Variants in RILPL1 observed in about 807,000 individuals in gnomAD.
RILPL1 encodes the protein RILP-like protein 1.
Under a neutral mutation model 50.3 loss-of-function variants are expected in RILPL1, and 33 were observed. That is an observed-to-expected ratio of 0.66 (90% confidence interval 0.50 to 0.88). The LOEUF (loss-of-function observed/expected upper bound fraction) is 0.88, where lower values mean the gene tolerates loss of function less well. Ranked by LOEUF, RILPL1 falls within the 40% of genes least tolerant of loss-of-function variation. RILPL1 has a pLI of 0.00. For missense variants in RILPL1, 418 were observed against 542.5 expected (o/e 0.77, Z 2.28); for synonymous variants, 205 against 228.6 (o/e 0.90, Z 0.93).
chr12:123,512,725 G>A (rs1448118046), intron 2 of RILPL1, among the ~76,000 whole-genome samples: 1 of 146,550 alleles, frequency 6.8e-6, no homozygotes, highest in Non-Finnish European at 1.5e-5. Flanking sequence ...TGTGAGGTCT[G>A]TGTGTGGTGT....
At chr12:123,486,891 C>T (rs530259739) in intron 4 of RILPL1, among the ~76,000 whole-genome samples, 6 of 152,058 alleles carry the variant, frequency 3.9e-5, no homozygotes, top group South Asian at 2.1e-4. Flanking sequence ...CTCCACCACC[C>T]GGGTTCAAGC....
rs375068142 is a variant in RILPL1, at chr12:123,484,243, G to C, written c.1004C>G (p.Pro335Arg). The C allele has an allele frequency of 9.9e-6, 16 of 1,610,672 alleles. No homozygotes were observed. The highest frequency in any genetic ancestry group is 1.3e-5 in the Non-Finnish European group (15 of 1,176,902). Residue 335 changes from proline to arginine, a missense_variant, in exon 6 of 7, where the codon CCC becomes CGC. Coordinates refer to ENST00000376874, the MANE Select transcript of RILPL1 (RefSeq NM_178314.5). ...CGGGTGGGCGATGGGTGGGGGTTGG[G>C]GTATTCGGTTTTCCTCTTCCATTTC... ...SEEMEEENRI[P>R]QPPPIAHPRT...
At chr12:123,494,785 C>T (rs1421319674) in intron 4 of RILPL1, among the ~76,000 whole-genome samples, 1 of 152,214 alleles carries the variant, frequency 6.6e-6, no homozygotes, top group Non-Finnish European at 1.5e-5. Context: ...ATGTCTGCCA[C>T]AAGCTCCTTC....
chr12:123,517,981 A>C (rs1258666907), intron 2 of RILPL1, among the ~76,000 whole-genome samples: 1 of 152,342 alleles, frequency 6.6e-6, no homozygotes, highest in South Asian at 2.1e-4. Flanking sequence ...AAAAGGAAAA[A>C]TACGATATGA....
At chr12:123,494,560 G>A (rs1460395884) in intron 4 of RILPL1, among the ~76,000 whole-genome samples, 2 of 152,166 alleles carry the variant, frequency 1.3e-5, no homozygotes, top group Non-Finnish European at 2.9e-5. Flanking sequence ...ACCCCGGTGT[G>A]GGCCAGGCCC....
At chr12:123,477,068 C>G (rs1881642117) in intron 6 of RILPL1, among the ~76,000 whole-genome samples, 3 of 152,158 alleles carry the variant, frequency 2.0e-5, no homozygotes, top group Non-Finnish European at 4.4e-5. Context: ...GAGGCAGAGG[C>G]TGCAGAATCA....
At chr12:123,496,359 T>A (rs554056026) in intron 4 of RILPL1, among the ~76,000 whole-genome samples, 2 of 152,226 alleles carry the variant, frequency 1.3e-5, no homozygotes, top group East Asian at 1.9e-4. Flanking sequence ...CTCATTTGTA[T>A]CCCAGATGCC....
At chr12:123,520,470 G>A (rs1188498557) in intron 2 of RILPL1, among the ~76,000 whole-genome samples, 1 of 152,154 alleles carries the variant, frequency 6.6e-6, no homozygotes, top group African/African-American at 2.4e-5. Flanking sequence ...GAGGCAGGAG[G>A]ATCACTTGAA....
chr12:123,533,036 C>T lies in RILPL1; in HGVS notation c.309+138G>A. On this transcript the variant is annotated intron_variant, in intron 1 of 6. Coordinates refer to ENST00000376874, the MANE Select transcript of RILPL1 (RefSeq NM_178314.5). This position sits in a 1 kb window ranked among gnomAD's most constrained non-coding sequence, Gnocchi z 6.2. ...CGGGCAAAAGAAGGCCAGGGCCTCC[C>T]TCCCTCCCCACGTCGGGTCTCCTCT... 1 of 937,238 alleles carries T rather than the reference C, an allele frequency of 1.1e-6. No individual in the cohort carries two copies. Among genetic ancestry groups the T allele is most frequent in the Non-Finnish European group, 1.5e-6 (1 of 647,660 alleles). 58.1% of individuals were successfully genotyped at this position (937,238 alleles called of 1,614,324 possible).
chr12:123,533,117 G>C lies in RILPL1; in HGVS notation c.309+57C>G, dbSNP rs1189684140. On this transcript the variant is annotated intron_variant, in intron 1 of 6. Transcript: ENST00000376874. The surrounding 1 kb of genome is among the most constrained non-coding windows in gnomAD (Gnocchi z 6.2). Reference sequence around the variant, plus strand: ...ACCCACAGCTGCCCAATGCGGAAGAGCCCTTGGGTCCCCGCGGTCCCACTG... The same window carrying C: ...ACCCACAGCTGCCCAATGCGGAAGACCCCTTGGGTCCCCGCGGTCCCACTG... 6.9e-7 allele frequency: 1 copy of C among 1,457,424 alleles called. No individual in the cohort carries two copies. Among genetic ancestry groups the C allele is most frequent in the Non-Finnish European group, 9.1e-7 (1 of 1,093,944 alleles). 90.3% of individuals were successfully genotyped at this position (1,457,424 alleles called of 1,614,324 possible).
At chr12:123,508,124 T>G (rs1452018618) in intron 2 of RILPL1, among the ~76,000 whole-genome samples, 2 of 152,038 alleles carry the variant, frequency 1.3e-5, no homozygotes, top group South Asian at 2.1e-4. Flanking sequence ...CCAGGCATGG[T>G]GGCGCATGCC....
At position 123,498,993 on chromosome 12, in the gene RILPL1, T is replaced by G. The variant is rs966486999; in HGVS notation, c.580-228A>C. On this transcript the variant is annotated intron_variant, in intron 3 of 6. Coordinates refer to ENST00000376874, the MANE Select transcript of RILPL1 (RefSeq NM_178314.5). The surrounding 1 kb of genome is among the most constrained non-coding windows in gnomAD (Gnocchi z 4.3). ...GTGTCTTGCTAGAATTAATACATTA[T>G]GAAAATTTCCCAACAAATGGAAGTA... Among the ~76,000 whole-genome samples, 1 of 152,210 alleles carries G rather than the reference T, an allele frequency of 6.6e-6. No individual in the cohort carries two copies. Among genetic ancestry groups the G allele is most frequent in the Non-Finnish European group, 1.5e-5 (1 of 68,042 alleles).
Position 123,533,324 on chromosome 12 carries a change from G to T in RILPL1, c.159C>A (p.Leu53=). Residue 53 remains leucine, a synonymous_variant, in exon 1 of 7, where the codon CTC becomes CTA. Transcript: ENST00000376874. This position sits in a 1 kb window ranked among gnomAD's most constrained non-coding sequence, Gnocchi z 6.2. Reference sequence around the variant, plus strand: ...CCAGGACGCGCACGACCTTGGGCATGAGGCGCGCGATGGCCTCGCAGCCGT... The same window carrying T: ...CCAGGACGCGCACGACCTTGGGCATTAGGCGCGCGATGGCCTCGCAGCCGT... The part of the protein sequence containing the change: ...DQHGCEAIAR[L]MPKVVRVLEI... The T allele has an allele frequency of 1.3e-6, 2 of 1,583,752 alleles. No individual in the cohort carries two copies. Among genetic ancestry groups the T allele is most frequent in the Non-Finnish European group, 8.6e-7 (1 of 1,168,232 alleles).
At chr12:123,511,204 CTGTA>C (rs1403120235) in intron 2 of RILPL1, among the ~76,000 whole-genome samples, 2 of 69,148 alleles carry the variant, frequency 2.9e-5, no homozygotes, top group Non-Finnish European at 2.8e-5. Context: ...TGTGTGAGGT[CTGTA>C]TGTGTGTGTG....
Position 123,498,574 on chromosome 12 carries a change from C to G in RILPL1, c.771G>C (p.Glu257Asp), listed in dbSNP as rs201143009. The G allele has an allele frequency of 1.2e-6, 2 of 1,613,586 alleles. No homozygotes were observed. Among genetic ancestry groups the G allele is most frequent in the African/African-American group, 2.7e-5 (2 of 75,018 alleles). The change falls in exon 4 of 7, where the codon GAG becomes GAC. Residue 257 changes from glutamate to aspartate, a missense_variant. Glu to Asp is a conservative substitution (Grantham distance 45). Transcript: ENST00000376874. This position sits in a 1 kb window ranked among gnomAD's most constrained non-coding sequence, Gnocchi z 4.3. ...GCTCCTCCTCCCCATTCTGGCTGTG[C>G]TCCCCCTGCAGCCTCTCTCGCAACT... Reference protein sequence around the residue: ...LGKLRERLQGEHSQNGEEEPE... With the variant: ...LGKLRERLQGDHSQNGEEEPE...
In RILPL1 at chr12:123,491,403, A is replaced by C. The variant is rs1438303234; in HGVS notation, c.802-5598T>G. 6.6e-6 allele frequency among the ~76,000 whole-genome samples: 1 copy of C among 152,192 alleles called. No individual in the cohort carries two copies. Among genetic ancestry groups the C allele is most frequent in the Admixed American group, 6.5e-5 (1 of 15,286 alleles). On this transcript the variant is annotated intron_variant, in intron 4 of 6. Coordinates refer to ENST00000376874, the MANE Select transcript of RILPL1 (RefSeq NM_178314.5). The surrounding 1 kb of genome is among the most constrained non-coding windows in gnomAD (Gnocchi z 4.0). ...GGCCCAAGAGACCAACTAACAAGCC[A>C]CGAGGCTGCCCAGAGGCCTTAGGGA...
At position 123,523,577 on chromosome 12, in the gene RILPL1, C is replaced by A. The variant is rs1318233918; in HGVS notation, c.378G>T (p.Leu126=). The A allele has an allele frequency of 6.2e-7, 1 of 1,613,922 alleles. No homozygotes were observed. The highest frequency in any genetic ancestry group is 8.5e-7 in the Non-Finnish European group (1 of 1,179,892). The change falls in exon 2 of 7, where the codon CTG becomes CTT. Residue 126 remains leucine, a synonymous_variant. Coordinates refer to ENST00000376874, the MANE Select transcript of RILPL1 (RefSeq NM_178314.5). ...TCATGAGCTGCTTGTTCTCCTCCTG[C>A]AGCTGGGCGATCTGGGAGAGGAGGT... is the stretch of plus-strand genomic sequence containing the variant. The part of the protein sequence containing the change: ...AQDLLSQIAQ[L]QEENKQLMTN...
At chr12:123,512,622 CTG>C (rs894891752) in intron 2 of RILPL1, among the ~76,000 whole-genome samples, 8 of 85,924 alleles carry the variant, frequency 9.3e-5, no homozygotes, top group Non-Finnish European at 1.1e-4. Flanking sequence ...AGGTCTGTGT[CTG>C]TGTGTCGTGT....
At chr12:123,503,558 G>A (rs752935872) in intron 2 of RILPL1, among the ~76,000 whole-genome samples, 5 of 151,872 alleles carry the variant, frequency 3.3e-5, no homozygotes, top group Non-Finnish European at 7.4e-5. Context: ...AGCACTTCTC[G>A]GCTTGTGGTG....
Sources: gnomAD v4.1 joint callset for allele counts (sites outside exome capture counted in the v4.1 genomes callset) on GRCh38, gnomAD v4.1.1 for gene constraint, Gnocchi (gnomAD v3.1) non-coding constraint, MANE v1.5 for transcripts, NCBI Gene and HGNC (gene_info 2026-07-23, HGNC 2026-07-21) for gene names.